The following TNR variants were observed in gnomAD, a reference collection of about 807,000 sequenced individuals.
TNR encodes the protein tenascin R.
A neutral mutation model predicts 150.4 loss-of-function variants in TNR; 45 were observed. That is an observed-to-expected ratio of 0.30 (90% CI 0.24 to 0.38). The LOEUF is 0.38. TNR is among the 10% of genes least tolerant of loss of function. TNR has a pLI of 1.00. For synonymous variants in TNR, 687 were observed against 678.4 expected, an observed-to-expected ratio of 1.01 and a Z score of -0.20; for missense variants, 1,544 against 1,759.1, an observed-to-expected ratio of 0.88 and a Z score of 2.19.
intron 21 of TNR, among the ~76,000 whole-genome samples, chr1:175,329,464 G>A (rs1649597369): frequency 6.6e-6 from 1 of 152,206 alleles, no homozygotes; most frequent in Non-Finnish European, 1.5e-5. Flanking sequence ...GACCGTCTAT[G>A]TGGTTCTTGC....
At chr1:175,335,397 A>T (rs1650188573) in intron 20 of TNR, 1 of 253,526 alleles carries the variant, frequency 3.9e-6, no homozygotes, top group Non-Finnish European at 7.4e-6. Context: ...ATGGCCAGGC[A>T]GCCTGTTGCT....
chr1:175,446,976 A>G (rs976429867), intron 2 of TNR, among the ~76,000 whole-genome samples: 14 of 152,184 alleles, frequency 9.2e-5, no homozygotes, highest in African/African-American at 3.4e-4. Context: ...GTGTATGTGT[A>G]ATCATGTGTA....
intron 2 of TNR, among the ~76,000 whole-genome samples, chr1:175,468,088 A>T (rs969474466): frequency 6.6e-6 from 1 of 152,192 alleles, no homozygotes; most frequent in Non-Finnish European, 1.5e-5. Context: ...AGAGTAGCAG[A>T]AGCAACTGGA....
intron 9 of TNR, among the ~76,000 whole-genome samples, chr1:175,372,646 C>A (rs180970257): frequency 6.3e-4 from 96 of 152,332 alleles, no homozygotes; most frequent in African/African-American, 2.2e-3. Flanking sequence ...ATTCTTCATG[C>A]CTGCTGTCGC....
chr1:175,569,102 G>A (rs10157886), intron 1 of TNR, among the ~76,000 whole-genome samples: 7,105 of 152,186 alleles, frequency 0.047, 566 homozygotes, highest in African/African-American at 0.16. Context: ...AAAGAAAGCC[G>A]ATAAGTTAAC....
chr1:175,400,190 G>A (rs1653637310), intron 4 of TNR, among the ~76,000 whole-genome samples: 1 of 134,412 alleles, frequency 7.4e-6, no homozygotes, highest in Non-Finnish European at 1.6e-5. Flanking sequence ...TTAATCATGT[G>A]ATGGAGCTCA....
Position 175,321,334 on chromosome 1 carries a change from C to A in TNR, c.*2023G>T, listed in dbSNP as rs1406381422. On this transcript the variant is annotated 3_prime_UTR_variant, in exon 23 of 23. Transcript: ENST00000367674. ...CATTCAATGGTGGCTGGCTGCATCCCCATGAGGTCCGAGGCCTGATGGTCA... is the reference window on the plus strand; with the variant it reads ...CATTCAATGGTGGCTGGCTGCATCCACATGAGGTCCGAGGCCTGATGGTCA... 6.6e-6 allele frequency: 1 copy of A among 152,172 alleles called. No individual in the cohort carries two copies. 9.4% of individuals were successfully genotyped at this position (152,172 alleles called of 1,614,324 possible).
intron 1 of TNR, among the ~76,000 whole-genome samples, chr1:175,530,332 C>T (rs915723711): frequency 1.3e-4 from 20 of 152,124 alleles, no homozygotes; most frequent in African/African-American, 4.8e-4. Flanking sequence ...TCTTAGGGCC[C>T]CACACACACC....
intron 1 of TNR, among the ~76,000 whole-genome samples, chr1:175,546,025 T>TGG: frequency 6.6e-6 from 1 of 152,316 alleles, no homozygotes; most frequent in East Asian, 1.9e-4. Context: ...GGCTTCCATT[T>TGG]GGGGTACCAA....
At chr1:175,470,671 GT>G (rs1657247311) in intron 2 of TNR, among the ~76,000 whole-genome samples, 1 of 152,114 alleles carries the variant, frequency 6.6e-6, no homozygotes, top group South Asian at 2.1e-4. Flanking sequence ...CATTCTTTAA[GT>G]TATTTAAAAA....
At position 175,709,293 on chromosome 1, in the gene TNR, T is replaced by A. The variant is rs186881047; in HGVS notation, c.-165+33933A>T. Among the ~76,000 whole-genome samples the A allele has an allele frequency of 7.5e-3, 1,009 of 135,260 alleles. 15 individuals are homozygous for A. Among genetic ancestry groups the A allele is most frequent in the African/African-American group, 0.027 (937 of 34,256 alleles). The allele number at this position is 135,260 out of a possible 152,430, so 88.7% of individuals were successfully genotyped here. ...CAAAATTGGGCTTCCTCCCTTGCTT[T>A]CACACACACACACATACACACACAC... On this transcript the variant is annotated intron_variant, in intron 1 of 22. Coordinates refer to ENST00000367674, the MANE Select transcript of TNR (RefSeq NM_003285.3).
intron 9 of TNR, 59 bp downstream of exon 9, chr1:175,379,493 C>A: frequency 6.7e-7 from 1 of 1,499,240 alleles, no homozygotes; most frequent in South Asian, 1.3e-5. Flanking sequence ...GTTGGGGAGA[C>A]AGCTGTGAGG....
At position 175,315,251 on chromosome 1, in the gene TNR, A is replaced by G. The variant is rs965972993; in HGVS notation, c.*8106T>C. 6.6e-6 allele frequency: 1 copy of G among 152,226 alleles called. No individual in the cohort carries two copies. The highest frequency in any genetic ancestry group is 2.4e-5 in the African/African-American group (1 of 41,456). The allele number at this position is 152,226 out of a possible 1,614,324, so 9.4% of individuals were successfully genotyped here. ...AATGTGTTTAAAAAAGGAACTATACAGAGGCTAAAAGCAACCAGGACTAAA... is the reference window on the plus strand; with the variant it reads ...AATGTGTTTAAAAAAGGAACTATACGGAGGCTAAAAGCAACCAGGACTAAA... On this transcript the variant is annotated 3_prime_UTR_variant, in exon 23 of 23. Transcript: ENST00000367674.
In TNR at chr1:175,431,235, C is replaced by T. The variant is rs946563707; in HGVS notation, c.-63-24458G>A. Among the ~76,000 whole-genome samples the T allele has an allele frequency of 4.6e-5, 7 of 152,170 alleles. No homozygotes were observed. In the East Asian group the frequency reaches 1.3e-3, roughly 29 times the overall value. On this transcript the variant is annotated intron_variant, in intron 2 of 22. Transcript: ENST00000367674. The stretch of plus-strand genomic sequence containing the variant: ...TTGGGAGAAAAATCCGAACCTGAAT[C>T]CTTTCCTTGGAAGTTTTAAAATATA...
At chr1:175,448,167 G>A (rs1156400359) in intron 2 of TNR, among the ~76,000 whole-genome samples, 2 of 152,092 alleles carry the variant, frequency 1.3e-5, no homozygotes, top group African/African-American at 4.8e-5. Context: ...CTGGTAGGTA[G>A]CCTTATCTTA....
chr1:175,468,042 G>A (rs1025158678), intron 2 of TNR, among the ~76,000 whole-genome samples: 6 of 152,186 alleles, frequency 3.9e-5, no homozygotes, highest in African/African-American at 7.2e-5. Flanking sequence ...TCAGCTCCAC[G>A]CCTGCAGACA....
In TNR at chr1:175,322,290, C is replaced by T. The variant is rs949690862; in HGVS notation, c.*1067G>A. 1 of 152,216 alleles carries T rather than the reference C, an allele frequency of 6.6e-6. No homozygotes were observed. The highest frequency in any genetic ancestry group is 1.5e-5 in the Non-Finnish European group (1 of 68,066). 9.4% of individuals were successfully genotyped at this position (152,216 alleles called of 1,614,324 possible). A position where few individuals can be genotyped will look rare whatever the true frequency, so the allele number is the denominator to read the frequency against. On this transcript the variant is annotated 3_prime_UTR_variant, in exon 23 of 23. Transcript: ENST00000367674. Reference sequence around the variant, plus strand: ...CACATAGCCACTGTGCCACCCAGGGCCAGGAGCAGGCAATGCCTTGGGAAC... The same window carrying T: ...CACATAGCCACTGTGCCACCCAGGGTCAGGAGCAGGCAATGCCTTGGGAAC...
In TNR at chr1:175,541,704, T is replaced by C. The variant is rs550483922; in HGVS notation, c.-164-13335A>G. On this transcript the variant is annotated intron_variant, in intron 1 of 22. Transcript: ENST00000367674. ...TATATGTTGCTGCATGAGGTTGATT[T>C]ACAATTTACACCAAGGGGGATGCCA... Among the ~76,000 whole-genome samples, 6 of 152,304 alleles carry C rather than the reference T, an allele frequency of 3.9e-5. No individual in the cohort carries two copies. The South Asian group carries it at 1.2e-3, about 32-fold the overall frequency.
rs551594657 is a variant in TNR, at chr1:175,479,452, C to T, written c.-64+48817G>A. The stretch of plus-strand genomic sequence containing the variant: ...ATTAGGCTGCTCATGTGTGGACTCT[C>T]CAAGTGGGTGGGGTAGACTTCACCT... On this transcript the variant is annotated intron_variant, in intron 2 of 22. Coordinates refer to ENST00000367674, the MANE Select transcript of TNR (RefSeq NM_003285.3). 2.0e-5 allele frequency among the ~76,000 whole-genome samples: 3 copies of T among 152,282 alleles called. No individual in the cohort carries two copies. The East Asian group carries it at 5.8e-4, about 29-fold the overall frequency.
Sources: allele counts gnomAD v4.1 joint callset (sites outside exome capture counted in the v4.1 genomes callset), GRCh38; gene constraint gnomAD v4.1.1; transcripts MANE v1.5; gene names NCBI Gene and HGNC (gene_info 2026-07-23, HGNC 2026-07-21).